The following KIF6 variants were observed in gnomAD, a reference collection of about 807,000 sequenced individuals.
KIF6 encodes the protein kinesin-like protein KIF6.
Under a neutral mutation model 112.7 loss-of-function variants are expected in KIF6, and 106 were observed. The ratio of observed to expected loss-of-function variants is 0.94; its 90% CI spans 0.80 to 1.11. KIF6 has a LOEUF of 1.11. KIF6 is among the 50% of genes least tolerant of loss of function. The pLI, the probability that KIF6 is intolerant of heterozygous loss-of-function variation, is 0.00. For missense variants in KIF6, 929 were observed against 964.0 expected, an observed-to-expected ratio of 0.96 and a Z score of 0.48; for synonymous variants, 339 against 339.9, an observed-to-expected ratio of 1.00 and a Z score of 0.03.
intron 15 of KIF6, among the ~76,000 whole-genome samples, chr6:39,405,014 A>G (rs1045979853): frequency 3.3e-5 from 5 of 151,684 alleles, no homozygotes; most frequent in African/African-American, 4.8e-5. Context: ...TAATTTTGGT[A>G]AACAATTATT....
chr6:39,516,309 T>G (rs113984156), intron 13 of KIF6, among the ~76,000 whole-genome samples: 238 of 150,820 alleles, frequency 1.6e-3, no homozygotes, highest in African/African-American at 5.5e-3. Flanking sequence ...GATATATATA[T>G]AAAGAGGAAA....
intron 22 of KIF6, among the ~76,000 whole-genome samples, chr6:39,337,103 C>G (rs1762973693): frequency 9.1e-6 from 1 of 110,402 alleles, no homozygotes; most frequent in Non-Finnish European, 1.8e-5. Flanking sequence ...TTTCTTTCTT[C>G]TTTCTTCTCT....
chr6:39,577,285 TTCTC>T (rs774749643), intron 10 of KIF6, among the ~76,000 whole-genome samples: 47 of 152,404 alleles, frequency 3.1e-4, no homozygotes, highest in Middle Eastern at 3.4e-3. Context: ...ACCACTTTTA[TTCTC>T]TCTCTAATTT....
At chr6:39,712,516 A>G (rs1438241127) in intron 3 of KIF6, among the ~76,000 whole-genome samples, 1 of 152,116 alleles carries the variant, frequency 6.6e-6, no homozygotes, top group Non-Finnish European at 1.5e-5. Context: ...GCCTTCATGG[A>G]GCTTTGTTTT....
chr6:39,355,376 T>C (rs1303691773), intron 19 of KIF6, among the ~76,000 whole-genome samples: 2 of 151,680 alleles, frequency 1.3e-5, no homozygotes, highest in East Asian at 3.9e-4. Flanking sequence ...ACAGCCAGAT[T>C]GGAGGATCTG....
intron 19 of KIF6, chr6:39,353,917 C>A: frequency 1.8e-6 from 1 of 565,142 alleles, no homozygotes; most frequent in East Asian, 6.0e-5. Flanking sequence ...AGTGTGATGC[C>A]CAGACCCATG....
intron 7 of KIF6, among the ~76,000 whole-genome samples, chr6:39,590,840 A>T (rs1169372147): frequency 1.3e-5 from 2 of 152,198 alleles, no homozygotes; most frequent in Non-Finnish European, 2.9e-5. Flanking sequence ...TTTAATTATA[A>T]GGGAAATTTA....
At chr6:39,569,193 AT>A (rs1483120443) in intron 10 of KIF6, among the ~76,000 whole-genome samples, 1 of 152,240 alleles carries the variant, frequency 6.6e-6, no homozygotes, top group East Asian at 1.9e-4. Flanking sequence ...TAAACTGAAT[AT>A]AAAAAGGATA....
intron 10 of KIF6, among the ~76,000 whole-genome samples, chr6:39,551,539 G>A (rs1396237335): frequency 2.0e-5 from 3 of 151,964 alleles, no homozygotes; most frequent in African/African-American, 7.3e-5. Flanking sequence ...TTGAGGCAAT[G>A]GATATCCCAA....
intron 3 of KIF6, among the ~76,000 whole-genome samples, chr6:39,708,805 T>C (rs944146134): frequency 6.6e-6 from 1 of 152,144 alleles, no homozygotes; most frequent in East Asian, 1.9e-4. Flanking sequence ...TAATGTACTA[T>C]TTTTGCTTGA....
At chr6:39,551,238 G>T (rs1003088779) in intron 10 of KIF6, among the ~76,000 whole-genome samples, 1 of 152,144 alleles carries the variant, frequency 6.6e-6, no homozygotes, top group Non-Finnish European at 1.5e-5. Flanking sequence ...AATAAGCCAA[G>T]CACAGAAAGA....
chr6:39,549,715 T>C (rs1369584722), intron 10 of KIF6, among the ~76,000 whole-genome samples: 3 of 152,148 alleles, frequency 2.0e-5, no homozygotes, highest in Non-Finnish European at 4.4e-5. Flanking sequence ...CCATGACTTG[T>C]AACGGCAAAA....
chr6:39,454,171 C>T (rs1182665841), intron 13 of KIF6, among the ~76,000 whole-genome samples: 2 of 151,814 alleles, frequency 1.3e-5, no homozygotes, highest in East Asian at 3.9e-4. Flanking sequence ...ATAGTGGAAA[C>T]CTAAACTTTA....
At chr6:39,532,232 T>C (rs1033062259) in intron 13 of KIF6, among the ~76,000 whole-genome samples, 1 of 152,122 alleles carries the variant, frequency 6.6e-6, no homozygotes, top group African/African-American at 2.4e-5. Context: ...TATTCTGTAA[T>C]ATGGAATAAA....
intron 13 of KIF6, among the ~76,000 whole-genome samples, chr6:39,473,976 A>G (rs1423549673): frequency 6.6e-6 from 1 of 152,104 alleles, no homozygotes; most frequent in Non-Finnish European, 1.5e-5. Flanking sequence ...AATACCACCT[A>G]CTTCTGTTCT....
intron 14 of KIF6, among the ~76,000 whole-genome samples, chr6:39,425,411 A>T (rs527415879): frequency 1.3e-5 from 2 of 151,936 alleles, no homozygotes; most frequent in African/African-American, 4.8e-5. Flanking sequence ...CCTCCACTTT[A>T]TTGTAATAAA....
chr6:39,514,774 T>C lies in KIF6; in HGVS notation c.1645+25229A>G, dbSNP rs74750155. 2.4e-3 allele frequency among the ~76,000 whole-genome samples: 355 copies of C among 150,512 alleles called. 6 individuals carry two copies. In the East Asian group the frequency reaches 0.057, roughly 24 times the overall value. On this transcript the variant is annotated intron_variant, in intron 13 of 22. Coordinates refer to ENST00000287152, the MANE Select transcript of KIF6 (RefSeq NM_145027.6). ...AATCGTTCAAACTCAAGGCTTTTTT[T>C]CCCCCCCGGGGATGATTTTCTCTAC...
Position 39,683,918 on chromosome 6 carries a change from G to C in KIF6, c.251+30774C>G, listed in dbSNP as rs1202515000. ...AAGGAGGCAGGGATAGTAAGGATTA[G>C]ATACGAAGAGCTCAGTTCTAAGAAA... On this transcript the variant is annotated intron_variant, in intron 3 of 22. Transcript: ENST00000287152. Among the ~76,000 whole-genome samples the C allele has an allele frequency of 2.0e-5, 3 of 152,226 alleles. 1 individual carries two copies. The highest frequency in any genetic ancestry group is 4.1e-4 in the South Asian group (2 of 4,834).
intron 3 of KIF6, among the ~76,000 whole-genome samples, chr6:39,707,140 A>C (rs1260463648): frequency 6.6e-6 from 1 of 152,218 alleles, no homozygotes; most frequent in Non-Finnish European, 1.5e-5. Context: ...CATGTGTAGA[A>C]TTAAGCAATC....
Sources: gnomAD v4.1 joint callset for allele counts (sites outside exome capture counted in the v4.1 genomes callset) on GRCh38, gnomAD v4.1.1 for gene constraint, MANE v1.5 for transcripts, NCBI Gene and HGNC (gene_info 2026-07-23, HGNC 2026-07-21) for gene names.